EGFLAM: variants seen among roughly 807,000 people sequenced by gnomAD.
The protein encoded by EGFLAM is pikachurin.
A neutral mutation model predicts 113.1 loss-of-function variants in EGFLAM; 79 were observed. That is an observed-to-expected ratio of 0.70 (90% CI 0.58 to 0.84). The LOEUF (loss-of-function observed/expected upper bound fraction) is 0.84, where lower values mean the gene tolerates loss of function less well. Among genes scored for constraint, EGFLAM ranks in the 40% least tolerant of loss-of-function variants. The pLI is 0.00. For synonymous variants in EGFLAM, 504 were observed against 487.6 expected, an observed-to-expected ratio of 1.03 and a Z score of -0.44; for missense variants, 1,265 against 1,291.6, an observed-to-expected ratio of 0.98 and a Z score of 0.32.
chr5:38,357,271 C>T (rs145626591), intron 5 of EGFLAM, among the ~76,000 whole-genome samples: 1 of 152,206 alleles, frequency 6.6e-6, no homozygotes, highest in East Asian at 1.9e-4. Context: ...GAAAAGAAGG[C>T]AGACCCTCAC....
At chr5:38,307,187 GTTGT>G (rs1758741869) in intron 1 of EGFLAM, among the ~76,000 whole-genome samples, 1 of 152,186 alleles carries the variant, frequency 6.6e-6, no homozygotes, top group Admixed American at 6.5e-5. Flanking sequence ...AAGTTTTGGG[GTTGT>G]TTTTCAGTAA....
chr5:38,330,545 T>A (rs2111923538), intron 1 of EGFLAM, among the ~76,000 whole-genome samples: 1 of 152,324 alleles, frequency 6.6e-6, no homozygotes, highest in East Asian at 1.9e-4. Context: ...CTTCAGTCTT[T>A]CTACCAATTT....
chr5:38,352,225 C>CA lies in EGFLAM; in HGVS notation c.440dup (p.Pro148AlafsTer10). ...CTGCCTGCCTCCTGCAGCTCCCCAGCAGCCACATGTCATTGTGGTTTCGGA... is the reference window on the plus strand; with the variant it reads ...CTGCCTGCCTCCTGCAGCTCCCCAGCAAGCCACATGTCATTGTGGTTTCGGA... On this transcript the variant is annotated frameshift_variant, in exon 5 of 22. Transcript: ENST00000322350. LOFTEE classifies it high-confidence loss of function. 2 of 1,614,152 alleles carry CA rather than the reference C, an allele frequency of 1.2e-6. No individual in the cohort carries two copies. The highest frequency in any genetic ancestry group is 1.7e-6 in the Non-Finnish European group (2 of 1,180,002).
intron 6 of EGFLAM, among the ~76,000 whole-genome samples, chr5:38,395,586 T>C (rs1368626679): frequency 1.3e-5 from 2 of 152,136 alleles, no homozygotes; most frequent in Non-Finnish European, 2.9e-5. Context: ...TAAAGGAGAA[T>C]TGAACCATGG....
chr5:38,406,725 G>A, intron 7 of EGFLAM, 103 bp from the exon 8 acceptor site: 1 of 1,116,064 alleles, frequency 9.0e-7, no homozygotes, highest in Non-Finnish European at 1.3e-6. Flanking sequence ...TAGGGTTTTT[G>A]GAAGTGACCA....
intron 1 of EGFLAM, among the ~76,000 whole-genome samples, chr5:38,269,835 A>G (rs944461248): frequency 6.6e-6 from 1 of 152,182 alleles, no homozygotes; most frequent in Non-Finnish European, 1.5e-5. Flanking sequence ...ATCTCATTTG[A>G]TCTTTGCAAT....
intron 21 of EGFLAM, 107 bp downstream of exon 21, chr5:38,463,118 A>G: frequency 1.9e-6 from 2 of 1,053,846 alleles, no homozygotes; most frequent in Non-Finnish European, 2.7e-6. Context: ...AATACCTGTA[A>G]ATCAGGAAGC....
At chr5:38,382,131 T>A (rs2451010) in intron 6 of EGFLAM, among the ~76,000 whole-genome samples, 34,422 of 152,114 alleles carry the variant, frequency 0.23, 4,053 homozygotes, top group East Asian at 0.28. Flanking sequence ...TCAGGCAACA[T>A]AAAAAATATT....
chr5:38,276,730 AG>A lies in EGFLAM; in HGVS notation c.97+17881del, dbSNP rs1460508731. ...AAATAAATAAAAATCAGGATGAAAA[AG>A]GATGTATTACCGTGATACCACAGAA... On this transcript the variant is annotated intron_variant, in intron 1 of 21. Coordinates refer to ENST00000322350, the MANE Select transcript of EGFLAM (RefSeq NM_152403.4). Among the ~76,000 whole-genome samples the A allele has an allele frequency of 3.9e-5, 6 of 152,310 alleles. No individual in the cohort carries two copies. In the East Asian group the frequency reaches 7.7e-4, roughly 20 times the overall value.
intron 14 of EGFLAM, among the ~76,000 whole-genome samples, chr5:38,430,725 T>C (rs1313265353): frequency 1.3e-5 from 2 of 152,132 alleles, no homozygotes; most frequent in Non-Finnish European, 2.9e-5. Flanking sequence ...TGGCCTGCCA[T>C]CTGCAAGCTG....
rs1051206585 is a variant in EGFLAM at position 38,465,357 on chromosome 5, T to C, written c.*1371T>C. Among the ~76,000 whole-genome samples the C allele has an allele frequency of 2.6e-5, 4 of 152,230 alleles. No homozygotes were observed. The highest frequency in any genetic ancestry group is 9.6e-5 in the African/African-American group (4 of 41,468). On this transcript the variant is annotated 3_prime_UTR_variant, in exon 22 of 22. Coordinates refer to ENST00000322350, the MANE Select transcript of EGFLAM (RefSeq NM_152403.4). ...AACTTATGCAAGAGCCTATAATTAG[T>C]CCCAGTCTCGACTCTACATTTGTTT...
chr5:38,350,914 C>T (rs769818945), intron 4 of EGFLAM, among the ~76,000 whole-genome samples: 1 of 151,932 alleles, frequency 6.6e-6, no homozygotes, highest in Non-Finnish European at 1.5e-5. Context: ...GGAGATCCTA[C>T]AGGTAAGTAG....
intron 12 of EGFLAM, among the ~76,000 whole-genome samples, chr5:38,422,289 A>G (rs1009560788): frequency 1.3e-5 from 2 of 152,166 alleles, no homozygotes; most frequent in Non-Finnish European, 2.9e-5. Flanking sequence ...CTGTGTATAC[A>G]TGACCTTGCC....
chr5:38,364,708 C>A (rs1170066790), intron 5 of EGFLAM, among the ~76,000 whole-genome samples: 2 of 152,064 alleles, frequency 1.3e-5, no homozygotes, highest in Non-Finnish European at 2.9e-5. Flanking sequence ...TTAATGAGCT[C>A]CCAGCCCAGG....
At chr5:38,281,318 A>G (rs994386670) in intron 1 of EGFLAM, among the ~76,000 whole-genome samples, 1 of 152,122 alleles carries the variant, frequency 6.6e-6, no homozygotes, top group African/African-American at 2.4e-5. Context: ...TGCCAGATAA[A>G]ATAGAGGATG....
intron 1 of EGFLAM, among the ~76,000 whole-genome samples, chr5:38,276,086 G>A (rs764802747): frequency 6.6e-6 from 1 of 152,140 alleles, no homozygotes; most frequent in Non-Finnish European, 1.5e-5. Context: ...CACATGGCTG[G>A]GGAAGCCTCA....
rs77567285 is a variant in EGFLAM, at chr5:38,299,200, G to T, written c.98-38320G>T. Among the ~76,000 whole-genome samples the T allele has an allele frequency of 7.0e-3, 1,067 of 152,210 alleles. 7 individuals carry two copies. Among genetic ancestry groups the T allele is most frequent in the Non-Finnish European group, 0.012 (819 of 68,006 alleles). ...CTGCCCCTCGGCTATGGCTTTTATTGTGTAACACACAAGGAAGAATGAGAA... is the reference window on the plus strand; with the variant it reads ...CTGCCCCTCGGCTATGGCTTTTATTTTGTAACACACAAGGAAGAATGAGAA... On this transcript the variant is annotated intron_variant, in intron 1 of 21. Coordinates refer to ENST00000322350, the MANE Select transcript of EGFLAM (RefSeq NM_152403.4).
intron 1 of EGFLAM, among the ~76,000 whole-genome samples, chr5:38,265,445 G>A (rs1186440504): frequency 6.6e-6 from 1 of 152,186 alleles, no homozygotes; most frequent in Non-Finnish European, 1.5e-5. Flanking sequence ...CTTTTGAGTT[G>A]CTCAAGGCCC....
Position 38,398,895 on chromosome 5 carries a change from T to C in EGFLAM, c.713-7231T>C, listed in dbSNP as rs186418036. Reference sequence around the variant, plus strand: ...TTCTTATTCTGGTGGGTATTAGGGTTTTGAAGAGACACAATTAATAGCACT... The same window carrying C: ...TTCTTATTCTGGTGGGTATTAGGGTCTTGAAGAGACACAATTAATAGCACT... On this transcript the variant is annotated intron_variant, in intron 6 of 21. Coordinates refer to ENST00000322350, the MANE Select transcript of EGFLAM (RefSeq NM_152403.4). 8.5e-5 allele frequency among the ~76,000 whole-genome samples: 13 copies of C among 152,310 alleles called. No individual in the cohort carries two copies. In the East Asian group the frequency reaches 2.5e-3, roughly 29 times the overall value.
Sources: allele counts gnomAD v4.1 joint callset (sites outside exome capture counted in the v4.1 genomes callset), GRCh38; gene constraint gnomAD v4.1.1; transcripts MANE v1.5; gene names NCBI Gene and HGNC (gene_info 2026-07-23, HGNC 2026-07-21).